The following BANP variants were observed in gnomAD, a reference collection of about 807,000 sequenced individuals.
BANP encodes BTG3 associated nuclear protein.
A neutral mutation model predicts 68.1 loss-of-function variants in BANP; 11 were observed. The observed-to-expected ratio is 0.16, with a 90% CI of 0.10 to 0.27. The LOEUF is 0.27. BANP is among the 10% of genes least tolerant of loss of function. The pLI is 1.00. For synonymous variants in BANP, 329 were observed against 303.2 expected (o/e 1.09, Z -0.88); for missense variants, 504 against 722.7 (o/e 0.70, Z 3.47).
At chr16:88,048,659 T>C (rs376860253) in intron 11 of BANP, among the ~76,000 whole-genome samples, 1 of 151,838 alleles carries the variant, frequency 6.6e-6, no homozygotes, top group Non-Finnish European at 1.5e-5. Context: ...ATTCTAACAG[T>C]GTTCTTGGTA....
intron 1 of BANP, among the ~76,000 whole-genome samples, chr16:87,974,566 G>T (rs1368474530): frequency 2.0e-5 from 3 of 152,206 alleles, no homozygotes; most frequent in Non-Finnish European, 4.4e-5. Context: ...CGTGCAGCTG[G>T]GAGAAACTTG....
At chr16:88,038,704 T>G (rs1166790168) in intron 11 of BANP, among the ~76,000 whole-genome samples, 1 of 152,132 alleles carries the variant, frequency 6.6e-6, no homozygotes, top group African/African-American at 2.4e-5. Flanking sequence ...GTGCGGGTCC[T>G]GGGGAGGGTG....
intron 10 of BANP, among the ~76,000 whole-genome samples, 166 bp downstream of exon 10, chr16:88,035,560 C>T: frequency 6.6e-6 from 1 of 152,260 alleles, no homozygotes; most frequent in Non-Finnish European, 1.5e-5. Flanking sequence ...GGCCTGCAGT[C>T]TCTGTGGCCT....
Position 87,981,016 on chromosome 16 carries a change from TTCTC to T in BANP, c.71-18_71-15del. 1 of 1,572,990 alleles carries T rather than the reference TTCTC, an allele frequency of 6.4e-7. No individual in the cohort carries two copies. The highest frequency in any genetic ancestry group is 8.7e-7 in the Non-Finnish European group (1 of 1,143,582). On this transcript the variant is annotated splice_polypyrimidine_tract_variant and intron_variant, in intron 2 of 13. Coordinates refer to ENST00000682872, the MANE Select transcript of BANP (RefSeq NM_001386991.1). ...AAACTTTTCATGTTAAACATTTTTTTTCTCTGTCACTGATTTCAGTTGTTTTGGA... is the reference window on the plus strand; with the variant it reads ...AAACTTTTCATGTTAAACATTTTTTTTGTCACTGATTTCAGTTGTTTTGGA...
intron 1 of BANP, among the ~76,000 whole-genome samples, chr16:87,961,232 G>A (rs2059063112): frequency 6.6e-6 from 1 of 152,184 alleles, no homozygotes; most frequent in Non-Finnish European, 1.5e-5. Context: ...GTGTTGGTGT[G>A]GTGTCAAAGA....
At chr16:88,041,375 G>T (rs1240403086) in intron 11 of BANP, among the ~76,000 whole-genome samples, 1 of 152,162 alleles carries the variant, frequency 6.6e-6, no homozygotes, top group Non-Finnish European at 1.5e-5. Context: ...GTGCTGCGTT[G>T]GTGTGACCCT....
At chr16:88,048,943 G>A (rs1281679091) in intron 11 of BANP, among the ~76,000 whole-genome samples, 1 of 152,204 alleles carries the variant, frequency 6.6e-6, no homozygotes, top group African/African-American at 2.4e-5. Flanking sequence ...CTTTGAGACT[G>A]CACGGTGCAC....
rs1415375210 is a variant in BANP at position 88,057,856 on chromosome 16, G to A, written c.1312-7411G>A. Among the ~76,000 whole-genome samples, 2 of 152,066 alleles carry A rather than the reference G, an allele frequency of 1.3e-5. No individual in the cohort carries two copies. Among genetic ancestry groups the A allele is most frequent in the Admixed American group, 6.5e-5 (1 of 15,276 alleles). On this transcript the variant is annotated intron_variant, in intron 11 of 13. Transcript: ENST00000682872. The surrounding 1 kb of genome is among the most constrained non-coding windows in gnomAD (Gnocchi z 4.6). ...GGATGCCCACAGTGAGGAGGTGCGGGGCACGCAGCGAGCACTTTCCGGACA... is the reference window on the plus strand; with the variant it reads ...GGATGCCCACAGTGAGGAGGTGCGGAGCACGCAGCGAGCACTTTCCGGACA...
chr16:88,026,523 C>T (rs1487288045), intron 7 of BANP, among the ~76,000 whole-genome samples: 1 of 152,334 alleles, frequency 6.6e-6, no homozygotes, highest in South Asian at 2.1e-4. Flanking sequence ...GACAGAGTAA[C>T]AGTGCATACA....
chr16:87,986,016 T>C (rs986140374), intron 4 of BANP, among the ~76,000 whole-genome samples: 4 of 152,230 alleles, frequency 2.6e-5, no homozygotes, highest in Non-Finnish European at 5.9e-5. Flanking sequence ...TTGTAAGTTA[T>C]GTGTGTGGAG....
chr16:87,962,696 A>G (rs2059404185), intron 1 of BANP, among the ~76,000 whole-genome samples: 1 of 152,174 alleles, frequency 6.6e-6, no homozygotes, highest in African/African-American at 2.4e-5. Flanking sequence ...TTAAAGAAAA[A>G]GCAGTGTTGC....
At chr16:88,015,037 C>A (rs536446045) in intron 6 of BANP, among the ~76,000 whole-genome samples, 1 of 148,542 alleles carries the variant, frequency 6.7e-6, no homozygotes, top group Non-Finnish European at 1.5e-5. Flanking sequence ...TCAGCTTGTG[C>A]CCTCTGGCCG....
rs1194037599 is a variant in BANP at position 88,006,399 on chromosome 16, C to A, written c.655+134C>A. 9 of 1,080,664 alleles carry A rather than the reference C, an allele frequency of 8.3e-6. No homozygotes were observed. The African/African-American group carries it at 1.3e-4, about 15-fold the overall frequency. 66.9% of individuals were successfully genotyped at this position (1,080,664 alleles called of 1,614,324 possible). On this transcript the variant is annotated intron_variant, in intron 6 of 13. Coordinates refer to ENST00000682872, the MANE Select transcript of BANP (RefSeq NM_001386991.1). Reference sequence around the variant, plus strand: ...CGGTGGCTCACGCCTGTAATCCCAGCACTTTGGGAGGCTGAGGCGGGCGGA... The same window carrying A: ...CGGTGGCTCACGCCTGTAATCCCAGAACTTTGGGAGGCTGAGGCGGGCGGA...
intron 11 of BANP, among the ~76,000 whole-genome samples, chr16:88,063,199 C>T (rs139578486): frequency 1.2e-3 from 188 of 152,362 alleles, no homozygotes; most frequent in African/African-American, 4.0e-3. Flanking sequence ...TGTTTCACGG[C>T]GTTGCCCTTG....
At chr16:88,021,529 T>TC (rs375861923) in intron 7 of BANP, among the ~76,000 whole-genome samples, 384 of 152,246 alleles carry the variant, frequency 2.5e-3, no homozygotes, top group African/African-American at 8.7e-3. Flanking sequence ...CTGTGCCTTC[T>TC]CCCCCGCCTC....
chr16:87,973,332 G>A (rs1023610584), intron 1 of BANP, among the ~76,000 whole-genome samples: 3 of 151,866 alleles, frequency 2.0e-5, no homozygotes, highest in Admixed American at 2.0e-4. Flanking sequence ...TATAATGTGG[G>A]AATAAAAACA....
intron 4 of BANP, among the ~76,000 whole-genome samples, chr16:87,993,989 G>A (rs1248728127): frequency 1.3e-5 from 2 of 152,128 alleles, no homozygotes; most frequent in African/African-American, 2.4e-5. Flanking sequence ...CCGTTTCTCC[G>A]TGAATTGAAA....
chr16:88,043,577 A>C (rs982489644), intron 11 of BANP, among the ~76,000 whole-genome samples: 3 of 152,220 alleles, frequency 2.0e-5, no homozygotes, highest in Admixed American at 6.5e-5. Context: ...GGAATGATTT[A>C]GGTAGAGGTG....
rs1473918088 is a variant in BANP at position 88,018,714 on chromosome 16, G to A, written c.895+47G>A. 1 of 1,527,226 alleles carries A rather than the reference G, an allele frequency of 6.5e-7. No homozygotes were observed. 94.6% of individuals were successfully genotyped at this position (1,527,226 alleles called of 1,614,324 possible). A position where few individuals can be genotyped will look rare whatever the true frequency, so the allele number is the denominator to read the frequency against. ...GGGACTGGGGTGTGCGGGGAGCTGGGTCAGGACCCACATTTCAATGCTGAG... is the reference window on the plus strand; with the variant it reads ...GGGACTGGGGTGTGCGGGGAGCTGGATCAGGACCCACATTTCAATGCTGAG... On this transcript the variant is annotated intron_variant, in intron 7 of 13. Coordinates refer to ENST00000682872, the MANE Select transcript of BANP (RefSeq NM_001386991.1). The surrounding 1 kb of genome is among the most constrained non-coding windows in gnomAD (Gnocchi z 7.7).
Sources: gnomAD v4.1 joint callset for allele counts (sites outside exome capture counted in the v4.1 genomes callset) on GRCh38, gnomAD v4.1.1 for gene constraint, Gnocchi (gnomAD v3.1) non-coding constraint, MANE v1.5 for transcripts, NCBI Gene and HGNC (gene_info 2026-07-23, HGNC 2026-07-21) for gene names.